Variants in PARP8 observed in about 807,000 individuals in gnomAD.
The protein encoded by PARP8 is protein mono-ADP-ribosyltransferase PARP8.
Under a neutral mutation model 124.1 loss-of-function variants are expected in PARP8, and 51 were observed. That is an observed-to-expected ratio of 0.41 (90% CI 0.33 to 0.52). PARP8 has a LOEUF of 0.52. Ranked by LOEUF, PARP8 falls within the 20% of genes least tolerant of loss-of-function variation. The pLI is 0.21. For missense variants in PARP8, 860 were observed against 1,018.9 expected (o/e 0.84, Z 2.12); for synonymous variants, 391 against 361.5 (o/e 1.08, Z -0.93).
In PARP8 at chr5:50,829,692, T is replaced by G. The variant is rs557140936; in HGVS notation, c.2164-200T>G. Reference sequence around the variant, plus strand: ...TATTAATGGTAGGATGGAAAACATTTATCAAGAATATTTTTCCTCTAGATA... The same window carrying G: ...TATTAATGGTAGGATGGAAAACATTGATCAAGAATATTTTTCCTCTAGATA... On this transcript the variant is annotated intron_variant, in intron 21 of 25. Coordinates refer to ENST00000281631, the MANE Select transcript of PARP8 (RefSeq NM_024615.4). Among the ~76,000 whole-genome samples, 112 of 152,330 alleles carry G rather than the reference T, an allele frequency of 7.4e-4. 1 individual carries two copies. The highest frequency in any genetic ancestry group is 2.6e-3 in the African/African-American group (109 of 41,574).
intron 1 of PARP8, chr5:50,667,765 T>A (rs912459431): frequency 4.0e-6 from 3 of 747,774 alleles, no homozygotes; most frequent in Admixed American, 2.0e-5. Flanking sequence ...TCCATTTTGC[T>A]CCCCCGGGAT....
rs372724293 is a variant in PARP8, at chr5:50,795,434, A to G, written c.1428+17A>G. 1 of 1,550,410 alleles carries G rather than the reference A, an allele frequency of 6.4e-7. No homozygotes were observed. Among genetic ancestry groups the G allele is most frequent in the African/African-American group, 1.4e-5 (1 of 72,190 alleles). On this transcript the variant is annotated intron_variant, in intron 12 of 25. Coordinates refer to ENST00000281631, the MANE Select transcript of PARP8 (RefSeq NM_024615.4). ...CAGCTTGCTGTGCGTAAATATTTTC[A>G]TCTTGAGTTCTTAAATGTTAGCTAA...
At chr5:50,833,373 T>C (rs1561447339) in intron 23 of PARP8, 3 of 448,154 alleles carry the variant, frequency 6.7e-6, no homozygotes, top group South Asian at 1.6e-5. Flanking sequence ...AGAAAGAACA[T>C]TCTGGGCAGA....
chr5:50,704,263 A>T (rs1290067810), intron 2 of PARP8, among the ~76,000 whole-genome samples: 1 of 152,116 alleles, frequency 6.6e-6, no homozygotes, highest in Non-Finnish European at 1.5e-5. Context: ...ATATCCTCAC[A>T]ATTTTCCTTG....
At chr5:50,758,770 TA>T (rs1760230762) in intron 3 of PARP8, among the ~76,000 whole-genome samples, 1 of 152,056 alleles carries the variant, frequency 6.6e-6, no homozygotes, top group African/African-American at 2.4e-5. Flanking sequence ...CAAAGAAAAA[TA>T]AATACCTAAG....
intron 12 of PARP8, among the ~76,000 whole-genome samples, chr5:50,796,454 A>G (rs1742569656): frequency 6.6e-6 from 1 of 152,220 alleles, no homozygotes; most frequent in South Asian, 2.1e-4. Flanking sequence ...ATGTAGAACA[A>G]CTGCACAGTG....
At chr5:50,755,445 C>T (rs1177026967) in intron 3 of PARP8, among the ~76,000 whole-genome samples, 1 of 152,152 alleles carries the variant, frequency 6.6e-6, no homozygotes, top group African/African-American at 2.4e-5. Flanking sequence ...GGAATCCTTT[C>T]CCCATTTCTC....
At chr5:50,795,618 T>A (rs1742454364) in intron 12 of PARP8, among the ~76,000 whole-genome samples, 1 of 152,168 alleles carries the variant, frequency 6.6e-6, no homozygotes, top group Admixed American at 6.5e-5. Context: ...TGAAAAAAAA[T>A]AAATGTAGCT....
At chr5:50,841,588 G>T (rs1339831756) in intron 25 of PARP8, among the ~76,000 whole-genome samples, 1 of 151,830 alleles carries the variant, frequency 6.6e-6, no homozygotes, top group Non-Finnish European at 1.5e-5. Flanking sequence ...ATCGAAGTAG[G>T]AGTAGAATTA....
At chr5:50,671,466 T>C (rs545306605) in intron 2 of PARP8, among the ~76,000 whole-genome samples, 5 of 150,874 alleles carry the variant, frequency 3.3e-5, no homozygotes, top group African/African-American at 1.2e-4. Context: ...AGTATAACTC[T>C]GAGGTTTTAA....
chr5:50,761,822 A>T lies in PARP8; in HGVS notation c.347A>T (p.Glu116Val), dbSNP rs373664293. ...KSKLQKENGE[E>V]SRQNSTVEED... is the part of the protein sequence containing the mutation. Reference sequence around the variant, plus strand: ...GTTTTCTTACTTTATTATTTTAAGGAATCAAGACAGAATAGTACAGTGGAG... The same window carrying T: ...GTTTTCTTACTTTATTATTTTAAGGTATCAAGACAGAATAGTACAGTGGAG... The change falls in exon 6 of 26, where the codon GAA becomes GTA. Residue 116 changes from glutamate to valine, a missense_variant and splice_region_variant. Coordinates refer to ENST00000281631, the MANE Select transcript of PARP8 (RefSeq NM_024615.4). The T allele has an allele frequency of 1.1e-5, 17 of 1,563,486 alleles. No homozygotes were observed. The African/African-American group carries it at 2.3e-4, about 22-fold the overall frequency.
Position 50,777,114 on chromosome 5 carries a change from T to A in PARP8, c.519-955T>A, listed in dbSNP as rs77459259. Among the ~76,000 whole-genome samples the A allele has an allele frequency of 7.5e-3, 1,141 of 152,312 alleles. 15 individuals are homozygous for A. Among genetic ancestry groups the A allele is most frequent in the African/African-American group, 0.026 (1,071 of 41,578 alleles). On this transcript the variant is annotated intron_variant, in intron 7 of 25. Transcript: ENST00000281631. ...TTGAATATTAACTAAAATACATGTATTCAAGTCTCAGCTCTGCTATAGAGT... is the reference window on the plus strand; with the variant it reads ...TTGAATATTAACTAAAATACATGTAATCAAGTCTCAGCTCTGCTATAGAGT...
chr5:50,804,995 C>A (rs556986838), intron 14 of PARP8, among the ~76,000 whole-genome samples: 1 of 151,948 alleles, frequency 6.6e-6, no homozygotes, highest in Non-Finnish European at 1.5e-5. Flanking sequence ...CAAGATTCAG[C>A]TGTTGATTCT....
chr5:50,702,935 A>G (rs1339230853), intron 2 of PARP8, among the ~76,000 whole-genome samples: 1 of 152,172 alleles, frequency 6.6e-6, no homozygotes. Context: ...CCCTGTCCTC[A>G]TGGAGCTTGG....
At position 50,842,722 on chromosome 5, in the gene PARP8, T is replaced by A. The variant is rs1260452954; in HGVS notation, c.*654T>A. The stretch of plus-strand genomic sequence containing the variant: ...AAGAAAGATGGCTTAGCTTCACAAT[T>A]CTATCCTCGTTTAATGGAAAGAAGA... On this transcript the variant is annotated 3_prime_UTR_variant, in exon 26 of 26. Coordinates refer to ENST00000281631, the MANE Select transcript of PARP8 (RefSeq NM_024615.4). 6.6e-6 allele frequency: 1 copy of A among 151,736 alleles called. No homozygotes were observed. The allele number at this position is 151,736 out of a possible 1,614,324, so 9.4% of individuals were successfully genotyped here. A position where few individuals can be genotyped will look rare whatever the true frequency, so the allele number is the denominator to read the frequency against.
intron 2 of PARP8, among the ~76,000 whole-genome samples, chr5:50,704,247 G>T (rs1175154786): frequency 4.6e-5 from 7 of 152,082 alleles, no homozygotes; most frequent in African/African-American, 1.7e-4. Flanking sequence ...TAGCTCTTGT[G>T]TATAGATATC....
intron 7 of PARP8, among the ~76,000 whole-genome samples, chr5:50,763,884 A>G (rs1760801783): frequency 6.6e-6 from 1 of 152,152 alleles, no homozygotes; most frequent in Non-Finnish European, 1.5e-5. Context: ...CCTACACTGT[A>G]GTCTTGAAGT....
At chr5:50,776,268 C>T (rs1490876595) in intron 7 of PARP8, among the ~76,000 whole-genome samples, 2 of 152,046 alleles carry the variant, frequency 1.3e-5, no homozygotes, top group South Asian at 4.1e-4. Flanking sequence ...ATTTTTTTAA[C>T]GTGCTATTGA....
chr5:50,732,276 G>T (rs562557072), intron 2 of PARP8, among the ~76,000 whole-genome samples: 1 of 152,228 alleles, frequency 6.6e-6, no homozygotes, highest in East Asian at 1.9e-4. Context: ...CTGGAAAAAT[G>T]AATTATATAC....
Sources: allele counts gnomAD v4.1 joint callset (sites outside exome capture counted in the v4.1 genomes callset), GRCh38; gene constraint gnomAD v4.1.1; transcripts MANE v1.5; gene names NCBI Gene and HGNC (gene_info 2026-07-23, HGNC 2026-07-21).